Variants in GSE1 observed in about 807,000 individuals in gnomAD.
GSE1 encodes genetic suppressor element 1.
In GSE1, 32 loss-of-function variants were observed where a neutral mutation model predicts 112.6. The observed-to-expected ratio is 0.28, with a 90% confidence interval of 0.21 to 0.38. GSE1 has a LOEUF of 0.38. Ranked by LOEUF, GSE1 falls within the 10% of genes least tolerant of loss-of-function variation. GSE1 has a pLI of 1.00. For missense variants in GSE1, 2,348 were observed against 1,699.2 expected (o/e 1.38, Z -6.71); for synonymous variants, 1,115 against 735.6 (o/e 1.52, Z -8.35).
intron 1 of GSE1, among the ~76,000 whole-genome samples, chr16:85,559,515 C>T (rs12919986): frequency 6.6e-6 from 1 of 152,224 alleles, no homozygotes; most frequent in African/African-American, 2.4e-5. Context: ...ATCCCAGACA[C>T]TGCAGGGAGC....
chr16:85,635,721 C>T (rs913414203), intron 2 of GSE1, among the ~76,000 whole-genome samples: 2 of 152,184 alleles, frequency 1.3e-5, no homozygotes, highest in Non-Finnish European at 2.9e-5. Context: ...ACGTGACTGG[C>T]GCTGGTGCTA....
chr16:85,238,626 A>G (rs1243552508), intron 1 of GSE1, among the ~76,000 whole-genome samples: 8 of 152,120 alleles, frequency 5.3e-5, no homozygotes, highest in Admixed American at 5.2e-4. Context: ...GGAGCCAGGC[A>G]GGGTTTGGGT....
chr16:85,282,627 A>G (rs2044890390), intron 1 of GSE1, among the ~76,000 whole-genome samples: 3 of 152,216 alleles, frequency 2.0e-5, no homozygotes, highest in Non-Finnish European at 4.4e-5. Flanking sequence ...CTGCTCGTTA[A>G]AAGCTGGGGA....
chr16:85,617,341 C>T (rs934918900), intron 1 of GSE1, among the ~76,000 whole-genome samples: 1 of 152,200 alleles, frequency 6.6e-6, no homozygotes, highest in Non-Finnish European at 1.5e-5. Context: ...TCTGGTTTAC[C>T]TTCACCTGCA....
intron 1 of GSE1, among the ~76,000 whole-genome samples, chr16:85,600,040 C>T (rs575560026): frequency 1.3e-5 from 2 of 152,330 alleles, no homozygotes; most frequent in African/African-American, 4.8e-5. Context: ...GCCTGGCTAC[C>T]CCTCTGGGTC....
intron 1 of GSE1, among the ~76,000 whole-genome samples, chr16:85,557,973 T>TC (rs942655463): frequency 6.6e-6 from 1 of 152,116 alleles, no homozygotes; most frequent in Non-Finnish European, 1.5e-5. Context: ...CTTTTTTTTT[T>TC]CTCCTCCTCT....
chr16:85,597,373 CAAAAAAAAAAAAAAAA>C (rs1165062872), intron 1 of GSE1, among the ~76,000 whole-genome samples: 1 of 31,846 alleles, frequency 3.1e-5, no homozygotes, highest in Non-Finnish European at 6.7e-5. Context: ...GACTCTGTCT[CAAAAAAAAAAAAAAAA>C]AAAAAAAAAG....
At chr16:85,517,190 T>C (rs1203168963) in intron 2 of GSE1, among the ~76,000 whole-genome samples, 1 of 151,860 alleles carries the variant, frequency 6.6e-6, no homozygotes, top group Non-Finnish European at 1.5e-5. Context: ...GAAGGCAGCC[T>C]AGGGTTCGAC....
At chr16:85,402,733 A>G (rs1409990001) in intron 2 of GSE1, among the ~76,000 whole-genome samples, 1 of 151,998 alleles carries the variant, frequency 6.6e-6, no homozygotes, top group Non-Finnish European at 1.5e-5. Flanking sequence ...ACCAGCCTGG[A>G]CAACATAGTG....
At chr16:85,206,305 G>A (rs967225061) in intron 1 of GSE1, among the ~76,000 whole-genome samples, 4 of 152,166 alleles carry the variant, frequency 2.6e-5, no homozygotes, top group African/African-American at 4.8e-5. Context: ...CCCAGGCCAT[G>A]ATCTGAAGGG....
intron 2 of GSE1, among the ~76,000 whole-genome samples, chr16:85,370,744 C>T (rs2047281104): frequency 6.6e-6 from 1 of 152,236 alleles, no homozygotes. Flanking sequence ...AGTGAGAACC[C>T]AGTGTGTGCT....
intron 1 of GSE1, among the ~76,000 whole-genome samples, chr16:85,302,620 T>A (rs576120147): frequency 2.6e-5 from 4 of 152,286 alleles, no homozygotes; most frequent in East Asian, 3.9e-4. Flanking sequence ...GCTGCTGGTT[T>A]AAAATGTGGA....
At chr16:85,395,419 C>T (rs1040747796) in intron 2 of GSE1, among the ~76,000 whole-genome samples, 3 of 152,180 alleles carry the variant, frequency 2.0e-5, no homozygotes, top group African/African-American at 7.2e-5. Flanking sequence ...CAGGTGGGCA[C>T]ACCAAGGCCC....
rs1358434223 is a variant in GSE1, at chr16:85,507,729, A to T, written c.2465-126185A>T. 3.3e-5 allele frequency among the ~76,000 whole-genome samples: 5 copies of T among 152,126 alleles called. No individual in the cohort carries two copies. In the East Asian group the frequency reaches 7.7e-4, roughly 24 times the overall value. On this transcript the variant is annotated intron_variant, in intron 2 of 2. Transcript: ENST00000637419. ...ACCCGGGTGACCTCATTTGACCTTA[A>T]TCACCTCTCCAAAGGCTCTGTCTCC...
At chr16:85,294,628 T>TCC (rs2045313065) in intron 1 of GSE1, among the ~76,000 whole-genome samples, 1 of 124,784 alleles carries the variant, frequency 8.0e-6, no homozygotes, top group African/African-American at 3.3e-5. Context: ...TCTCTCTCTC[T>TCC]CTCTCTCTCT....
At chr16:85,269,745 C>T (rs1402273024) in intron 1 of GSE1, among the ~76,000 whole-genome samples, 1 of 149,292 alleles carries the variant, frequency 6.7e-6, no homozygotes, top group Non-Finnish European at 1.5e-5. Context: ...GACGCCCTTG[C>T]ACCTGGCACT....
chr16:85,439,395 C>T (rs2049323225), intron 2 of GSE1, among the ~76,000 whole-genome samples: 1 of 152,208 alleles, frequency 6.6e-6, no homozygotes, highest in Admixed American at 6.5e-5. Context: ...GCTCTCTCAG[C>T]CTTGGAGGCT....
At chr16:85,359,502 C>A in intron 2 of GSE1, 1 of 439,826 alleles carries the variant, frequency 2.3e-6, no homozygotes. Flanking sequence ...GAGCCTCTGT[C>A]CTCACATCTG....
chr16:85,208,822 G>C (rs1220892498), intron 1 of GSE1, among the ~76,000 whole-genome samples: 1 of 107,434 alleles, frequency 9.3e-6, no homozygotes, highest in African/African-American at 3.2e-5. Flanking sequence ...GCCACGTGTT[G>C]GGGTTCGTCT....
Sources: gnomAD v4.1 joint callset for allele counts (sites outside exome capture counted in the v4.1 genomes callset) on GRCh38, gnomAD v4.1.1 for gene constraint, MANE v1.5 for transcripts, NCBI Gene and HGNC (gene_info 2026-07-23, HGNC 2026-07-21) for gene names.